Variants in FBXO24 observed in about 807,000 individuals in gnomAD.
The protein encoded by FBXO24 is F-box protein 24, also known as F-box only protein 24.
FBXO24 carries 30 observed loss-of-function variants against 63.5 expected under a neutral mutation model. The observed-to-expected ratio is 0.47, with a 90% CI of 0.35 to 0.64. FBXO24 has a LOEUF of 0.64. FBXO24 is among the 30% of genes least tolerant of loss of function. The pLI is 0.00. For synonymous variants in FBXO24, 300 were observed against 305.0 expected (o/e 0.98, Z 0.17); for missense variants, 624 against 763.4 (o/e 0.82, Z 2.15).
At chr7:100,599,552 C>T (rs539134004) in intron 8 of FBXO24, 8 of 156,772 alleles carry the variant, frequency 5.1e-5, no homozygotes, top group East Asian at 3.8e-4. Context: ...TCCAGCCTTC[C>T]GACTCTGTCT....
Position 100,600,453 on chromosome 7 carries a change from A to G in FBXO24, c.1378-81A>G. The G allele has an allele frequency of 6.6e-7, 1 of 1,518,420 alleles. No individual in the cohort carries two copies. The highest frequency in any genetic ancestry group is 8.8e-7 in the Non-Finnish European group (1 of 1,134,608). 94.1% of individuals were successfully genotyped at this position (1,518,420 alleles called of 1,614,324 possible). A position where few individuals can be genotyped will look rare whatever the true frequency, so the allele number is the denominator to read the frequency against. ...CTGGTGTGAGAGGGAAGAATGCAAT[A>G]GGCAGATTAGCCCGGGCACCCTGGG... On this transcript the variant is annotated intron_variant, in intron 9 of 9. Transcript: ENST00000241071. The surrounding 1 kb of genome is among the most constrained non-coding windows in gnomAD (Gnocchi z 6.3).
intron 1 of FBXO24, chr7:100,589,620 C>T: frequency 2.7e-6 from 4 of 1,458,178 alleles, no homozygotes; most frequent in Non-Finnish European, 3.6e-6. Flanking sequence ...CTCAGAGGTC[C>T]CCCAAGCCTA....
chr7:100,591,664 C>A lies in FBXO24; in HGVS notation c.323-3C>A. The stretch of plus-strand genomic sequence containing the variant: ...GAACCTTCCATCTCCTTCCTTCCTC[C>A]AGACACGAAGGGCCTGTATTTCCAG... On this transcript the variant is annotated splice_region_variant and splice_polypyrimidine_tract_variant and intron_variant, in intron 3 of 9. Transcript: ENST00000241071. 6.2e-7 allele frequency: 1 copy of A among 1,613,714 alleles called. No individual in the cohort carries two copies. The highest frequency in any genetic ancestry group is 1.1e-5 in the South Asian group (1 of 91,074).
chr7:100,600,900 T>A lies in FBXO24; in HGVS notation c.*1T>A, dbSNP rs779322924. ...AGGGCCCCCAGCCCCTGAGACCTAATCCCCCTCATGCTAGCCTAGTCCCTG... is the reference window on the plus strand; with the variant it reads ...AGGGCCCCCAGCCCCTGAGACCTAAACCCCCTCATGCTAGCCTAGTCCCTG... On this transcript the variant is annotated 3_prime_UTR_variant, in exon 10 of 10. Transcript: ENST00000241071. This position sits in a 1 kb window ranked among gnomAD's most constrained non-coding sequence, Gnocchi z 6.3. 3 of 1,611,240 alleles carry A rather than the reference T, an allele frequency of 1.9e-6. No individual in the cohort carries two copies. Among genetic ancestry groups the A allele is most frequent in the Non-Finnish European group, 2.5e-6 (3 of 1,178,800 alleles).
chr7:100,595,132 C>A lies in FBXO24; in HGVS notation c.983C>A (p.Thr328Asn). Residue 328 changes from threonine to asparagine, a missense_variant, in exon 7 of 10, where the codon ACC (threonine) becomes AAC (asparagine). By Grantham distance (65) the Thr-to-Asn change is moderately conservative. This residue lies in a region of FBXO24 where 391 missense variants were observed against 469.1 expected (regional missense o/e 0.83). Transcript: ENST00000241071. ...DQGGVYFEVH[T>N]PGVYRDLFGT... ...GGGGGAGTGTATTTTGAGGTGCATA[C>A]CCCAGGGGTGTATCGCGATCTCTTT... is the stretch of plus-strand genomic sequence containing the variant. The A allele has an allele frequency of 6.2e-7, 1 of 1,614,010 alleles. No homozygotes were observed.
chr7:100,592,146 C>T, intron 4 of FBXO24: 1 of 425,958 alleles, frequency 2.3e-6, no homozygotes, highest in South Asian at 2.3e-5. Flanking sequence ...ATAATTCCAG[C>T]TACTTGGGAG....
rs1332819397 is a variant in FBXO24, at chr7:100,586,584, G to C, written c.-42G>C. On this transcript the variant is annotated 5_prime_UTR_variant, in exon 1 of 10. Transcript: ENST00000241071. ...AATTAGAGCCTCCGAAGGGAATCTGGACCTGCCTCTTCTCTGAGGGACGGC... is the reference window on the plus strand; with the variant it reads ...AATTAGAGCCTCCGAAGGGAATCTGCACCTGCCTCTTCTCTGAGGGACGGC... 13 of 1,611,640 alleles carry C rather than the reference G, an allele frequency of 8.1e-6. No homozygotes were observed. The highest frequency in any genetic ancestry group is 1.1e-5 in the Non-Finnish European group (13 of 1,177,978).
At chr7:100,599,058 T>G (rs978686606) in intron 8 of FBXO24, among the ~76,000 whole-genome samples, 3 of 150,954 alleles carry the variant, frequency 2.0e-5, no homozygotes, top group African/African-American at 7.3e-5. Flanking sequence ...AGTGAGACAC[T>G]ATCTCTATAG....
At position 100,594,041 on chromosome 7, in the gene FBXO24, C is replaced by A. The variant is rs1458468134; in HGVS notation, c.794-342C>A. Among the ~76,000 whole-genome samples the A allele has an allele frequency of 1.3e-5, 2 of 152,126 alleles. No individual in the cohort carries two copies. Among genetic ancestry groups the A allele is most frequent in the East Asian group, 3.8e-4 (2 of 5,196 alleles). ...GCCTCAAGTGATCCTCCTGCCTTGG[C>A]CTCCCAAAGTGCTGGGATTACAGGT... On this transcript the variant is annotated intron_variant, in intron 5 of 9. Transcript: ENST00000241071. This position sits in a 1 kb window ranked among gnomAD's most constrained non-coding sequence, Gnocchi z 4.2.
chr7:100,596,142 G>A (rs765011489), intron 8 of FBXO24, among the ~76,000 whole-genome samples: 1 of 152,138 alleles, frequency 6.6e-6, no homozygotes, highest in Non-Finnish European at 1.5e-5. Context: ...AGCTGGCTGT[G>A]GTGGCACATG....
chr7:100,600,245 G>A lies in FBXO24; in HGVS notation c.1377+44G>A, dbSNP rs1416616361. 14 of 1,472,322 alleles carry A rather than the reference G, an allele frequency of 9.5e-6. No individual in the cohort carries two copies. Among genetic ancestry groups the A allele is most frequent in the South Asian group, 1.4e-5 (1 of 71,374 alleles). 91.2% of individuals were successfully genotyped at this position (1,472,322 alleles called of 1,614,324 possible). Reference sequence around the variant, plus strand: ...GAGTGGGCACCCAGGGAGGATGAGAGCCATGAACCAGGAAGCCCACAGGCT... The same window carrying A: ...GAGTGGGCACCCAGGGAGGATGAGAACCATGAACCAGGAAGCCCACAGGCT... On this transcript the variant is annotated intron_variant, in intron 9 of 9. Transcript: ENST00000241071. This position sits in a 1 kb window ranked among gnomAD's most constrained non-coding sequence, Gnocchi z 6.3.
intron 1 of FBXO24, among the ~76,000 whole-genome samples, chr7:100,587,887 C>CG (rs1273990947): frequency 1.3e-5 from 2 of 151,912 alleles, no homozygotes; most frequent in African/African-American, 4.8e-5. Flanking sequence ...CGTGAGCCAC[C>CG]GCACCCGGCC....
Position 100,594,342 on chromosome 7 carries a change from G to A in FBXO24, c.794-41G>A. 1.9e-6 allele frequency: 3 copies of A among 1,605,358 alleles called. No individual in the cohort carries two copies. The highest frequency in any genetic ancestry group is 2.6e-6 in the Non-Finnish European group (3 of 1,176,068). The stretch of plus-strand genomic sequence containing the variant: ...CTCTTGGGATGTTTATGTGGATATT[G>A]GAGAATCCCCTCCCCAACTAATTGC... On this transcript the variant is annotated intron_variant, in intron 5 of 9. Transcript: ENST00000241071. The surrounding 1 kb of genome is among the most constrained non-coding windows in gnomAD (Gnocchi z 4.2).
chr7:100,593,461 T>TA (rs1029643308), intron 5 of FBXO24, among the ~76,000 whole-genome samples: 7 of 150,368 alleles, frequency 4.7e-5, no homozygotes, highest in South Asian at 4.2e-4. Flanking sequence ...CTGACTCTAC[T>TA]AAAAAAAAAT....
At chr7:100,595,041 G>A (rs1802236450) in intron 6 of FBXO24, 61 bp from the exon 7 acceptor site, 2 of 1,602,360 alleles carry the variant, frequency 1.2e-6, no homozygotes, top group South Asian at 1.1e-5. Flanking sequence ...TCCCAGGTGG[G>A]GCCTTATCCC....
At chr7:100,592,724 C>A in intron 4 of FBXO24, 59 bp from the exon 5 acceptor site, 1 of 1,378,786 alleles carries the variant, frequency 7.3e-7, no homozygotes, top group Non-Finnish European at 1.0e-6. Flanking sequence ...GATCCAGCTG[C>A]CCCAGCCCCA....
At chr7:100,588,114 A>C (rs1801843380) in intron 1 of FBXO24, among the ~76,000 whole-genome samples, 1 of 151,794 alleles carries the variant, frequency 6.6e-6, no homozygotes, top group Admixed American at 6.6e-5. Context: ...CCTGGGCTCA[A>C]GCAATGCTCC....
In FBXO24 at chr7:100,590,217, C is replaced by T. The variant is rs35818590; in HGVS notation, c.182C>T (p.Ala61Val). The change falls in exon 3 of 10, where the codon GCC becomes GTC. Residue 61 changes from alanine (A) to valine (V), a missense_variant. Physicochemically the swap from Ala to Val is moderately conservative, Grantham distance 64. Transcript: ENST00000241071. ...ISFLPVRDLV[A>V]LGQTCRYFHE... ...TTCCTCCCAGTCAGAGACCTTGTTG[C>T]CCTCGGCCAGACCTGCCGCTACTTC... is the stretch of plus-strand genomic sequence containing the variant. The T allele has an allele frequency of 6.8e-6, 11 of 1,614,084 alleles. No homozygotes were observed. Among genetic ancestry groups the T allele is most frequent in the Non-Finnish European group, 9.3e-6 (11 of 1,179,980 alleles).
Position 100,594,561 on chromosome 7 carries a change from G to A in FBXO24, c.952+20G>A, listed in dbSNP as rs760683469. 2.0e-5 allele frequency: 31 copies of A among 1,551,116 alleles called. No individual in the cohort carries two copies. Among genetic ancestry groups the A allele is most frequent in the East Asian group, 2.3e-5 (1 of 43,324 alleles). On this transcript the variant is annotated intron_variant, in intron 6 of 9. Transcript: ENST00000241071. The surrounding 1 kb of genome is among the most constrained non-coding windows in gnomAD (Gnocchi z 4.2). ...TCACAGGTATGGACCACCTCCCCCC[G>A]GCTCAAGCCCGCAGCCTTGGTTAGA...
Sources: gnomAD v4.1 joint callset for allele counts (sites outside exome capture counted in the v4.1 genomes callset) on GRCh38, gnomAD v4.1.1 for gene constraint, gnomAD v4.1.1 regional missense constraint, Gnocchi (gnomAD v3.1) non-coding constraint, MANE v1.5 for transcripts, NCBI Gene and HGNC (gene_info 2026-07-23, HGNC 2026-07-21) for gene names.